The following BCL7C variants were observed in gnomAD, a reference collection of about 807,000 sequenced individuals.
The protein encoded by BCL7C is B-cell CLL/lymphoma 7 protein family member C.
Under a neutral mutation model 26.2 loss-of-function variants are expected in BCL7C, and 8 were observed. The ratio of observed to expected loss-of-function variants is 0.30; its 90% CI spans 0.18 to 0.55. The LOEUF (loss-of-function observed/expected upper bound fraction) is 0.55, where lower values mean the gene tolerates loss of function less well. Among genes scored for constraint, BCL7C ranks in the 20% least tolerant of loss-of-function variants. The probability of loss-of-function intolerance (pLI) is 0.93; values close to 1 mark genes in which losing one functional copy is unlikely to be tolerated. For synonymous variants in BCL7C, 90 were observed against 116.5 expected (o/e 0.77, Z 1.47); for missense variants, 262 against 298.5 (o/e 0.88, Z 0.90).
chr16:30,850,952 T>A (rs2054670006), intron 5 of BCL7C, among the ~76,000 whole-genome samples: 2 of 152,268 alleles, frequency 1.3e-5, no homozygotes, highest in Admixed American at 1.3e-4. Context: ...AATTGCGGTT[T>A]CGCACCATGA....
chr16:30,866,647 A>G (rs1234550471), intron 5 of BCL7C, among the ~76,000 whole-genome samples: 1 of 152,198 alleles, frequency 6.6e-6, no homozygotes, highest in Non-Finnish European at 1.5e-5. Context: ...TAAAGAAAAA[A>G]AAAGGCACAG....
chr16:30,852,256 G>T, intron 5 of BCL7C: 1 of 152,818 alleles, frequency 6.5e-6, no homozygotes, highest in South Asian at 2.0e-4. Flanking sequence ...ACTGCTTTAT[G>T]ACCCATTTTT....
downstream of BCL7C, among the ~76,000 whole-genome samples, chr16:30,887,170 G>A (rs374069011): frequency 9.2e-5 from 14 of 152,096 alleles, no homozygotes; most frequent in African/African-American, 3.4e-4. Flanking sequence ...TTAGCCGGGC[G>A]TGGTGGCAGG....
chr16:30,842,860 G>A lies in BCL7C; in HGVS notation c.529-7712C>T, dbSNP rs947441175. 2.6e-5 allele frequency among the ~76,000 whole-genome samples: 4 copies of A among 151,916 alleles called. No homozygotes were observed. The East Asian group carries it at 5.8e-4, about 22-fold the overall frequency. On this transcript the variant is annotated intron_variant, in intron 5 of 5. Coordinates refer to the BCL7C transcript ENST00000380317. ...TGGGATTACAGGCATGAGCCACCGC[G>A]CCCAGCCATTCTCCTGACCTTGTGA... is the stretch of plus-strand genomic sequence containing the variant.
chr16:30,853,497 A>G (rs1490631913), intron 5 of BCL7C, among the ~76,000 whole-genome samples: 1 of 152,184 alleles, frequency 6.6e-6, no homozygotes, highest in East Asian at 1.9e-4. Flanking sequence ...TTGAGGCACT[A>G]TCACTCTTTC....
chr16:30,884,120 G>A (rs1355933733), downstream of BCL7C, among the ~76,000 whole-genome samples: 9 of 142,552 alleles, frequency 6.3e-5, no homozygotes, highest in African/African-American at 2.3e-4. Flanking sequence ...GCGAAACTCC[G>A]TCTCAAAAAA....
chr16:30,893,805 G>T lies in BCL7C; in HGVS notation c.92+48C>A. ...CGAGGGCAGCGTAGACGCCTTTGGT[G>T]CTGGTGGTCCCGCTGTGTCCCGTCC... On this transcript the variant is annotated intron_variant, in intron 1 of 5. Coordinates refer to ENST00000215115, the MANE Select transcript of BCL7C (RefSeq NM_004765.4). This position sits in a 1 kb window ranked among gnomAD's most constrained non-coding sequence, Gnocchi z 5.2. 6.4e-7 allele frequency: 1 copy of T among 1,553,910 alleles called. No homozygotes were observed. The highest frequency in any genetic ancestry group is 8.8e-7 in the Non-Finnish European group (1 of 1,140,130).
chr16:30,877,150 A>C (rs2054962153), intron 5 of BCL7C, among the ~76,000 whole-genome samples: 1 of 152,086 alleles, frequency 6.6e-6, no homozygotes. Context: ...CTCCGCCCCC[A>C]GGGCAGTCAG....
At chr16:30,863,898 G>A (rs978148681) in intron 5 of BCL7C, among the ~76,000 whole-genome samples, 1 of 152,108 alleles carries the variant, frequency 6.6e-6, no homozygotes, top group Non-Finnish European at 1.5e-5. Flanking sequence ...GGAGTGGATA[G>A]ATGATCTTTG....
chr16:30,861,845 T>C (rs11865829), intron 5 of BCL7C, among the ~76,000 whole-genome samples: 5,382 of 148,786 alleles, frequency 0.036, 329 homozygotes, highest in African/African-American at 0.13. Flanking sequence ...TGGTGCCAAC[T>C]TGGACAACAT....
intron 5 of BCL7C, among the ~76,000 whole-genome samples, chr16:30,840,418 A>G (rs1288818554): frequency 6.6e-6 from 1 of 151,910 alleles, no homozygotes; most frequent in East Asian, 1.9e-4. Context: ...GGATTTCACC[A>G]TGTTGGCCCG....
At chr16:30,888,277 AGATATTTTTT>A (rs1308327422) in intron 5 of BCL7C, among the ~76,000 whole-genome samples, 1 of 152,226 alleles carries the variant, frequency 6.6e-6, no homozygotes, top group African/African-American at 2.4e-5. Context: ...TTATACAGTT[AGATATTTTTT>A]GATATTTTTT....
rs577398458 is a variant in BCL7C at position 30,879,931 on chromosome 16, A to G, written c.528+8929T>C. Among the ~76,000 whole-genome samples, 4 of 151,742 alleles carry G rather than the reference A, an allele frequency of 2.6e-5. No homozygotes were observed. In the East Asian group the frequency reaches 7.8e-4, roughly 29 times the overall value. ...CGTGAACCCGGGAGGCAGAGCTTTCAGTGAGCCAAGATCACGCCACTGCAC... is the reference window on the plus strand; with the variant it reads ...CGTGAACCCGGGAGGCAGAGCTTTCGGTGAGCCAAGATCACGCCACTGCAC... On this transcript the variant is annotated intron_variant, in intron 5 of 5. Transcript: ENST00000380317.
intron 5 of BCL7C, among the ~76,000 whole-genome samples, chr16:30,867,537 C>CA (rs764177321): frequency 1.3e-5 from 2 of 151,956 alleles, no homozygotes; most frequent in Non-Finnish European, 2.9e-5. Flanking sequence ...GAGACTCGGC[C>CA]ATCCCAGCAC....
intron 5 of BCL7C, among the ~76,000 whole-genome samples, chr16:30,866,233 G>A (rs984904109): frequency 1.3e-5 from 2 of 152,070 alleles, no homozygotes; most frequent in Non-Finnish European, 2.9e-5. Context: ...TGTATCCATA[G>A]AGCAATTTAA....
intron 5 of BCL7C, chr16:30,851,736 A>G: frequency 1.7e-6 from 1 of 595,986 alleles, no homozygotes; most frequent in East Asian, 3.3e-5. Context: ...GCAGACCACC[A>G]AACAGTGACC....
intron 5 of BCL7C, among the ~76,000 whole-genome samples, chr16:30,877,937 G>C (rs1342315934): frequency 1.3e-5 from 2 of 151,716 alleles, no homozygotes; most frequent in Non-Finnish European, 2.9e-5. Flanking sequence ...CACTTTGGGA[G>C]GCCAAGGCGG....
chr16:30,853,124 G>A (rs1713108786), intron 5 of BCL7C, among the ~76,000 whole-genome samples: 2 of 151,656 alleles, frequency 1.3e-5, no homozygotes, highest in South Asian at 4.2e-4. Context: ...TTTCAGTAGA[G>A]ACGGGGTTTC....
At chr16:30,835,024 G>A in exon 6 of BCL7C, 5 of 1,549,298 alleles carry the variant, frequency 3.2e-6, no homozygotes, top group African/African-American at 1.4e-5. Context: ...TCTGGTGTCC[G>A]GCACCGCCAT....
Sources: allele counts gnomAD v4.1 joint callset (sites outside exome capture counted in the v4.1 genomes callset), GRCh38; gene constraint gnomAD v4.1.1; non-coding constraint Gnocchi (gnomAD v3.1); transcripts MANE v1.5; gene names NCBI Gene and HGNC (gene_info 2026-07-23, HGNC 2026-07-21).